Variants in COMMD9 observed in about 807,000 individuals in gnomAD.
COMMD9 encodes COMM domain-containing protein 9.
In COMMD9, 22 loss-of-function variants were observed where a neutral mutation model predicts 23.4. That is an observed-to-expected ratio of 0.94 (90% CI 0.67 to 1.34). The LOEUF is 1.34. Ranked by LOEUF, COMMD9 falls within the 40% of genes most tolerant of loss-of-function variation. COMMD9 has a pLI of 0.00. For missense variants in COMMD9, 231 were observed against 240.2 expected (o/e 0.96, Z 0.25); for synonymous variants, 99 against 97.4 (o/e 1.02, Z -0.10).
intron 5 of COMMD9, among the ~76,000 whole-genome samples, chr11:36,275,861 C>A (rs1273662236): frequency 6.6e-6 from 1 of 152,100 alleles, no homozygotes; most frequent in East Asian, 1.9e-4. Context: ...AAGCACACTA[C>A]TATTGTTAAA....
At chr11:36,284,535 T>C (rs186260125) in intron 1 of COMMD9, among the ~76,000 whole-genome samples, 18 of 152,350 alleles carry the variant, frequency 1.2e-4, no homozygotes, top group Non-Finnish European at 1.9e-4. Flanking sequence ...ATTAAATTAA[T>C]ATTCATGAAA....
At chr11:36,282,228 A>G (rs1350244065) in intron 1 of COMMD9, among the ~76,000 whole-genome samples, 4 of 152,128 alleles carry the variant, frequency 2.6e-5, no homozygotes, top group Non-Finnish European at 5.9e-5. Context: ...CAAGACTGAA[A>G]GAATATTCAA....
At position 36,284,406 on chromosome 11, in the gene COMMD9, G is replaced by A. The variant is rs191244732; in HGVS notation, c.52-3569C>T. Among the ~76,000 whole-genome samples the A allele has an allele frequency of 3.9e-5, 6 of 152,268 alleles. No individual in the cohort carries two copies. The East Asian group carries it at 1.2e-3, about 29-fold the overall frequency. On this transcript the variant is annotated intron_variant, in intron 1 of 5. Transcript: ENST00000263401. ...GAAGCAAAAACTATCAGAACTGTAA[G>A]AAGAAACAGACCAAATGACAAATAC...
intron 1 of COMMD9, among the ~76,000 whole-genome samples, chr11:36,288,513 A>G (rs1263404182): frequency 2.0e-5 from 3 of 152,308 alleles, no homozygotes; most frequent in South Asian, 4.1e-4. Context: ...CATAAGTTAA[A>G]TAATTCCGGC....
chr11:36,274,905 G>A (rs1855945406), intron 5 of COMMD9, 133 bp from the exon 6 acceptor site: 3 of 1,074,672 alleles, frequency 2.8e-6, no homozygotes, highest in African/African-American at 1.6e-5. Context: ...AAGCACTAGA[G>A]AGTACCAGCC....
chr11:36,279,801 C>A (rs1263094492), intron 2 of COMMD9, among the ~76,000 whole-genome samples: 1 of 152,068 alleles, frequency 6.6e-6, no homozygotes, highest in Non-Finnish European at 1.5e-5. Context: ...TAAACAAGGT[C>A]CAGAATTAAA....
At chr11:36,280,172 T>C (rs1310823212) in intron 2 of COMMD9, among the ~76,000 whole-genome samples, 1 of 152,200 alleles carries the variant, frequency 6.6e-6, no homozygotes, top group Non-Finnish European at 1.5e-5. Context: ...AAAAACATAT[T>C]TGCCTTGGAA....
At chr11:36,278,440 A>C in intron 3 of COMMD9, 37 bp downstream of exon 3, 1 of 1,563,172 alleles carries the variant, frequency 6.4e-7, no homozygotes, top group South Asian at 1.1e-5. Flanking sequence ...TAAGAAATGT[A>C]AAAGTTAGAA....
chr11:36,280,871 A>C (rs1010519659), intron 1 of COMMD9, 34 bp from the exon 2 acceptor site: 17 of 1,496,828 alleles, frequency 1.1e-5, no homozygotes, highest in Non-Finnish European at 1.5e-5. Context: ...AAAAAAAAAA[A>C]CTCAGACTCT....
Position 36,276,120 on chromosome 11 carries a change from C to A in COMMD9, c.456+17G>T, listed in dbSNP as rs966219994. On this transcript the variant is annotated intron_variant, in intron 5 of 5. Coordinates refer to ENST00000263401, the MANE Select transcript of COMMD9 (RefSeq NM_014186.4). ...GGGTGCTGCCTCTTCTTTCTAATGG[C>A]ATGATAGTGAATGTACCTTCATCTG... The A allele has an allele frequency of 6.3e-7, 1 of 1,583,398 alleles. No individual in the cohort carries two copies. The highest frequency in any genetic ancestry group is 1.7e-5 in the Admixed American group (1 of 59,972).
intron 1 of COMMD9, among the ~76,000 whole-genome samples, chr11:36,288,551 C>T (rs1384792257): frequency 6.6e-6 from 1 of 152,118 alleles, no homozygotes; most frequent in Non-Finnish European, 1.5e-5. Context: ...GCCTGTAATC[C>T]CAACACTTTG....
chr11:36,276,826 A>C, intron 4 of COMMD9: 1 of 323,014 alleles, frequency 3.1e-6, no homozygotes. Flanking sequence ...AATTTTTTTC[A>C]CAATTGAAAT....
chr11:36,286,908 T>C (rs1446389188), intron 1 of COMMD9, among the ~76,000 whole-genome samples: 3 of 152,156 alleles, frequency 2.0e-5, no homozygotes, highest in Non-Finnish European at 4.4e-5. Context: ...TGGCTATTCA[T>C]GAGGAATCTT....
At chr11:36,289,297 C>T in intron 1 of COMMD9, 65 bp downstream of exon 1, 9 of 1,488,302 alleles carry the variant, frequency 6.0e-6, no homozygotes, top group Non-Finnish European at 8.2e-6. Flanking sequence ...GTTCCCAATT[C>T]CTGCTCCGTC....
rs531764804 is a variant in COMMD9 at position 36,280,795 on chromosome 11, A to G, written c.94T>C (p.Phe32Leu). 3 of 1,609,522 alleles carry G rather than the reference A, an allele frequency of 1.9e-6. No homozygotes were observed. The highest frequency in any genetic ancestry group is 2.2e-5 in the South Asian group (2 of 90,544). ...DVVRQLCQES[F>L]SSSALGLKKL... ...TTCAAGCCAAGGGCTGAACTGGAAA[A>G]GCTTTCTTGACACAGCTGTCTGACA... The change falls in exon 2 of 6, where the codon TTT (phenylalanine) becomes CTT (leucine). Residue 32 changes from phenylalanine (F) to leucine (L), a missense_variant. Transcript: ENST00000263401.
intron 1 of COMMD9, among the ~76,000 whole-genome samples, chr11:36,286,214 G>A (rs1382177668): frequency 6.6e-6 from 1 of 152,046 alleles, no homozygotes; most frequent in Middle Eastern, 3.4e-3. Context: ...ACATAAATCA[G>A]TTGTATTTCT....
intron 5 of COMMD9, among the ~76,000 whole-genome samples, 169 bp from the exon 6 acceptor site, chr11:36,274,941 A>G (rs1855946007): frequency 6.6e-6 from 1 of 152,220 alleles, no homozygotes; most frequent in Non-Finnish European, 1.5e-5. Flanking sequence ...AGTAAGGGAG[A>G]GTACAGGAGA....
chr11:36,276,512 G>A (rs1428715376), intron 4 of COMMD9: 5 of 387,894 alleles, frequency 1.3e-5, no homozygotes, highest in East Asian at 7.9e-5. Flanking sequence ...AGGGCAGAAT[G>A]AGAAGTGACA....
rs767840422 is a variant in COMMD9, at chr11:36,289,390, T to C, written c.23A>G (p.His8Arg). 22 of 1,551,966 alleles carry C rather than the reference T, an allele frequency of 1.4e-5. No individual in the cohort carries two copies. The highest frequency in any genetic ancestry group is 1.2e-4 in the African/African-American group (9 of 73,140). Reference protein sequence around the residue: MAALTAEHFAALQSLLKA... With the variant: MAALTAERFAALQSLLKA... ...GAGCAGGCTCTGGAGTGCTGCAAAA[T>C]GCTCCGCTGTCAGGGCAGCCATCTT... The change falls in exon 1 of 6, where the codon CAT becomes CGT. Residue 8 changes from histidine (H) to arginine (R), a missense_variant. Physicochemically the swap from His to Arg is conservative, Grantham distance 29. Coordinates refer to ENST00000263401, the MANE Select transcript of COMMD9 (RefSeq NM_014186.4).
Sources: allele counts gnomAD v4.1 joint callset (sites outside exome capture counted in the v4.1 genomes callset), GRCh38; gene constraint gnomAD v4.1.1; transcripts MANE v1.5; gene names NCBI Gene and HGNC (gene_info 2026-07-23, HGNC 2026-07-21).